Variants in VPS50 observed in about 807,000 individuals in gnomAD.
The protein encoded by VPS50 is syndetin.
A neutral mutation model predicts 139.7 loss-of-function variants in VPS50; 70 were observed. The ratio of observed to expected loss-of-function variants is 0.50; its 90% CI spans 0.41 to 0.61. The LOEUF (loss-of-function observed/expected upper bound fraction) is 0.61, where lower values mean the gene tolerates loss of function less well. VPS50 is among the 20% of genes least tolerant of loss of function. VPS50 has a pLI of 0.00. For missense variants in VPS50, 921 were observed against 1,133.7 expected (o/e 0.81, Z 2.69); for synonymous variants, 365 against 376.7 (o/e 0.97, Z 0.36).
At chr7:93,314,090 C>T (rs929869664) in intron 20 of VPS50, among the ~76,000 whole-genome samples, 20 of 152,120 alleles carry the variant, frequency 1.3e-4, no homozygotes, top group African/African-American at 4.8e-4. Flanking sequence ...CTAGCAAATG[C>T]ACTATTCCAT....
intron 1 of VPS50, 117 bp downstream of exon 1, chr7:93,232,617 CAG>C (rs1794668443): frequency 1.1e-5 from 10 of 929,922 alleles, no homozygotes; most frequent in South Asian, 2.7e-5. Flanking sequence ...TGGCAGGTGT[CAG>C]GGGGACTGGG....
At chr7:93,252,966 A>G (rs972957038) in intron 3 of VPS50, among the ~76,000 whole-genome samples, 191 bp downstream of exon 3, 15 of 152,208 alleles carry the variant, frequency 9.9e-5, no homozygotes, top group African/African-American at 3.6e-4. Context: ...ATGTAACTTT[A>G]AATACAACCG....
intron 17 of VPS50, among the ~76,000 whole-genome samples, chr7:93,304,226 A>T (rs1358565041): frequency 6.6e-6 from 1 of 151,778 alleles, no homozygotes. Context: ...ATATAGTTAG[A>T]TCCTTGTTCA....
chr7:93,310,740 T>A (rs941057062), intron 19 of VPS50, among the ~76,000 whole-genome samples: 1 of 152,036 alleles, frequency 6.6e-6, no homozygotes, highest in African/African-American at 2.4e-5. Flanking sequence ...GCTGACCATA[T>A]AGCTTTTACT....
At chr7:93,323,270 T>G (rs954623128) in intron 20 of VPS50, 1 of 152,392 alleles carries the variant, frequency 6.6e-6, no homozygotes, top group Non-Finnish European at 1.5e-5. Context: ...ACCAATGTTG[T>G]TTGTTTGTAC....
chr7:93,333,233 G>A lies in VPS50; in HGVS notation c.1978-884G>A, dbSNP rs539596823. 1.7e-3 allele frequency among the ~76,000 whole-genome samples: 257 copies of A among 151,328 alleles called. 1 individual carries two copies. The highest frequency in any genetic ancestry group is 5.5e-3 in the African/African-American group (230 of 41,450). The stretch of plus-strand genomic sequence containing the variant: ...AGTGTTATGGCACAACTATTTTCAC[G>A]TAAGACTCTCTGACACGTGTAAATA... On this transcript the variant is annotated intron_variant, in intron 21 of 27. Transcript: ENST00000305866.
chr7:93,245,458 G>A (rs1795121261), intron 2 of VPS50, among the ~76,000 whole-genome samples: 1 of 151,502 alleles, frequency 6.6e-6, no homozygotes, highest in African/African-American at 2.4e-5. Flanking sequence ...TGAGATGTTC[G>A]AAAACAAAAG....
At chr7:93,342,342 C>T (rs193172942) in intron 23 of VPS50, among the ~76,000 whole-genome samples, 3 of 152,214 alleles carry the variant, frequency 2.0e-5, no homozygotes, top group Non-Finnish European at 4.4e-5. Flanking sequence ...CACGAAGTCT[C>T]GCTGATTGCT....
At chr7:93,329,271 A>C (rs1797868322) in intron 21 of VPS50, among the ~76,000 whole-genome samples, 1 of 152,196 alleles carries the variant, frequency 6.6e-6, no homozygotes, top group Non-Finnish European at 1.5e-5. Context: ...ATAAAAAACC[A>C]AAGGGAAATC....
At chr7:93,290,899 T>G (rs1450312436) in intron 12 of VPS50, among the ~76,000 whole-genome samples, 1 of 152,038 alleles carries the variant, frequency 6.6e-6, no homozygotes, top group African/African-American at 2.4e-5. Context: ...ATAGCTTATT[T>G]CTACTAGCTG....
At chr7:93,324,267 A>C (rs1797703312) in intron 21 of VPS50, among the ~76,000 whole-genome samples, 1 of 152,192 alleles carries the variant, frequency 6.6e-6, no homozygotes, top group African/African-American at 2.4e-5. Flanking sequence ...TTCCTAATTG[A>C]ATACCCTTTA....
rs146775975 is a variant in VPS50, at chr7:93,300,309, T to C, written c.1361+3066T>C. On this transcript the variant is annotated intron_variant, in intron 16 of 27. Coordinates refer to ENST00000305866, the MANE Select transcript of VPS50 (RefSeq NM_017667.4). The stretch of plus-strand genomic sequence containing the variant: ...AAACAATACCAATACAACTCTTTCA[T>C]AGAATAGAGAAACAGGGAATGTTTT... Among the ~76,000 whole-genome samples the C allele has an allele frequency of 4.5e-4, 68 of 152,182 alleles. 1 individual carries two copies. Among genetic ancestry groups the C allele is most frequent in the African/African-American group, 1.6e-3 (65 of 41,540 alleles).
intron 22 of VPS50, among the ~76,000 whole-genome samples, chr7:93,335,489 G>T (rs1434213234): frequency 6.6e-6 from 1 of 152,096 alleles, no homozygotes; most frequent in Non-Finnish European, 1.5e-5. Flanking sequence ...GCATAACTTG[G>T]CTTGTTTTTT....
intron 25 of VPS50, among the ~76,000 whole-genome samples, chr7:93,353,216 T>C (rs1798607306): frequency 6.6e-6 from 1 of 152,116 alleles, no homozygotes; most frequent in Non-Finnish European, 1.5e-5. Context: ...CTCTGAAGAG[T>C]ATAGATACAA....
At chr7:93,325,479 A>C in intron 21 of VPS50, among the ~76,000 whole-genome samples, 1 of 151,880 alleles carries the variant, frequency 6.6e-6, no homozygotes, top group East Asian at 1.9e-4. Context: ...GAGCTTCTGC[A>C]CAGCAAAAGA....
At chr7:93,326,354 G>A (rs551350330) in intron 21 of VPS50, among the ~76,000 whole-genome samples, 3,797 of 146,988 alleles carry the variant, frequency 0.026, 168 homozygotes, top group African/African-American at 0.09. Context: ...GCTAAATGAC[G>A]AGTTAATGGG....
In VPS50 at chr7:93,257,457, G is replaced by T; in HGVS notation, c.415G>T (p.Gly139Trp). 6.3e-7 allele frequency: 1 copy of T among 1,585,968 alleles called. No homozygotes were observed. The highest frequency in any genetic ancestry group is 8.6e-7 in the Non-Finnish European group (1 of 1,157,474). The change falls in exon 6 of 28, where the codon GGG becomes TGG. Residue 139 changes from glycine to tryptophan, a missense_variant. Around this residue, in one of 3 missense-constraint regions of VPS50, gnomAD observed 744 missense variants for 930.6 expected, o/e 0.80. Coordinates refer to ENST00000305866, the MANE Select transcript of VPS50 (RefSeq NM_017667.4). ...ATTAGCTGCTGTTATCTGTACAAAT[G>T]GGAGAAGGTATTGCTTTTGATGATA... Reference protein sequence around the residue: ...LQLAAVICTNGRRHLNIAKEG... With the variant: ...LQLAAVICTNWRRHLNIAKEG...
Position 93,294,587 on chromosome 7 carries a change from G to T in VPS50, c.1118G>T (p.Arg373Leu). The T allele has an allele frequency of 6.3e-7, 1 of 1,598,290 alleles. No individual in the cohort carries two copies. Residue 373 changes from arginine (R) to leucine (L), a missense_variant, in exon 14 of 28, where the codon CGT becomes CTT. This residue lies in a region of VPS50 where 744 missense variants were observed against 930.6 expected (regional missense o/e 0.80). Transcript: ENST00000305866. ...GGTACTGAAGAAACTAATTTTGATC[G>T]TGGCTACATAAAAAAGAAATTAGAA... ...MIGTEETNFD[R>L]GYIKKKLEHG...
chr7:93,292,669 T>G (rs1351342544), intron 13 of VPS50, among the ~76,000 whole-genome samples: 1 of 152,088 alleles, frequency 6.6e-6, no homozygotes, highest in African/African-American at 2.4e-5. Flanking sequence ...TGTTGTTGGG[T>G]GAGTGGACAA....
Sources: gnomAD v4.1 joint callset for allele counts (sites outside exome capture counted in the v4.1 genomes callset) on GRCh38, gnomAD v4.1.1 for gene constraint, gnomAD v4.1.1 regional missense constraint, MANE v1.5 for transcripts, NCBI Gene and HGNC (gene_info 2026-07-23, HGNC 2026-07-21) for gene names.